Variants in NBEA observed in about 807,000 individuals in gnomAD.
NBEA encodes the protein lysosomal-trafficking regulator 2.
Under a neutral mutation model 343.4 loss-of-function variants are expected in NBEA, and 44 were observed. That is an observed-to-expected ratio of 0.13 (90% CI 0.10 to 0.16). The LOEUF is 0.16. Ranked by LOEUF, NBEA falls within the 10% of genes least tolerant of loss-of-function variation. The pLI, the probability that NBEA is intolerant of heterozygous loss-of-function variation, is 1.00. For synonymous variants in NBEA, 1,175 were observed against 1,238.7 expected, an observed-to-expected ratio of 0.95 and a Z score of 1.08; for missense variants, 2,555 against 3,631.3, an observed-to-expected ratio of 0.70 and a Z score of 7.62.
intron 44 of NBEA, among the ~76,000 whole-genome samples, chr13:35,558,697 CTGCCT>C (rs1160036684): frequency 6.6e-6 from 1 of 152,208 alleles, no homozygotes; most frequent in Non-Finnish European, 1.5e-5. Flanking sequence ...AGCCGGCAAC[CTGCCT>C]TTCAGCAAGC....
chr13:35,596,511 A>T (rs995394084), intron 47 of NBEA, among the ~76,000 whole-genome samples: 3 of 152,078 alleles, frequency 2.0e-5, no homozygotes, highest in Non-Finnish European at 4.4e-5. Context: ...GTCTCTATTA[A>T]TGTCAGTCTC....
At chr13:35,517,217 C>T (rs554960095) in intron 41 of NBEA, among the ~76,000 whole-genome samples, 8 of 152,232 alleles carry the variant, frequency 5.3e-5, no homozygotes, top group South Asian at 2.1e-4. Flanking sequence ...GCCACTCTTC[C>T]GTCGGCCTCG....
At chr13:35,005,647 C>A (rs1351700012) in intron 1 of NBEA, among the ~76,000 whole-genome samples, 1 of 152,012 alleles carries the variant, frequency 6.6e-6, no homozygotes, top group East Asian at 1.9e-4. Flanking sequence ...GAAAGTGAAA[C>A]AGTTACTTAC....
At chr13:35,051,092 C>G (rs1334789959) in intron 6 of NBEA, among the ~76,000 whole-genome samples, 1 of 152,012 alleles carries the variant, frequency 6.6e-6, no homozygotes, top group Non-Finnish European at 1.5e-5. Context: ...GAGTACCAGA[C>G]TCCATCTTTG....
intron 41 of NBEA, among the ~76,000 whole-genome samples, chr13:35,496,171 A>C (rs2076668068): frequency 6.6e-6 from 1 of 151,968 alleles, no homozygotes; most frequent in African/African-American, 2.4e-5. Flanking sequence ...TTTTTAAAAA[A>C]ACAAGGTCTC....
At chr13:34,957,172 A>G (rs1217104231) in intron 1 of NBEA, among the ~76,000 whole-genome samples, 2 of 152,308 alleles carry the variant, frequency 1.3e-5, no homozygotes, top group East Asian at 3.9e-4. Flanking sequence ...TTCTCATAGT[A>G]GAGCTACTCT....
At chr13:35,014,116 A>G (rs1020199657) in intron 1 of NBEA, among the ~76,000 whole-genome samples, 2 of 151,506 alleles carry the variant, frequency 1.3e-5, no homozygotes, top group African/African-American at 2.4e-5. Flanking sequence ...TTGGGAAGTT[A>G]CATTCCTTTC....
At chr13:35,669,826 A>T (rs1220738358) in intron 58 of NBEA, among the ~76,000 whole-genome samples, 1 of 152,150 alleles carries the variant, frequency 6.6e-6, no homozygotes, top group East Asian at 1.9e-4. Flanking sequence ...ATATGAGGGC[A>T]CCAGGAACAG....
chr13:35,191,404 C>T (rs796119681), intron 30 of NBEA, among the ~76,000 whole-genome samples: 2 of 152,058 alleles, frequency 1.3e-5, no homozygotes, highest in Admixed American at 6.6e-5. Context: ...TTCATTTTGT[C>T]TCTTATGGGC....
At chr13:35,225,638 T>C (rs2074611095) in intron 33 of NBEA, among the ~76,000 whole-genome samples, 2 of 152,158 alleles carry the variant, frequency 1.3e-5, no homozygotes, top group African/African-American at 4.8e-5. Context: ...CTGGGGGTTT[T>C]ATTCTCTTAT....
chr13:35,569,050 G>A (rs2080272037), intron 45 of NBEA, among the ~76,000 whole-genome samples: 1 of 152,194 alleles, frequency 6.6e-6, no homozygotes. Flanking sequence ...ACTTAGAATA[G>A]TGCAGGGACA....
rs73503174 is a variant in NBEA, at chr13:35,660,604, C to T, written c.8363-4481C>T. ...CCATTGTGTATGCCTCAGCTCTGGA[C>T]GCTGACCCTCCTGCCAGCCACAACC... is the stretch of plus-strand genomic sequence containing the variant. On this transcript the variant is annotated intron_variant, in intron 55 of 58. Coordinates refer to ENST00000379939, the MANE Select transcript of NBEA (RefSeq NM_001385012.1). Among the ~76,000 whole-genome samples the T allele has an allele frequency of 1.6e-3, 251 of 152,306 alleles. 1 individual carries two copies. The highest frequency in any genetic ancestry group is 5.5e-3 in the African/African-American group (229 of 41,572).
chr13:35,661,556 C>T (rs1351690183), intron 55 of NBEA, among the ~76,000 whole-genome samples: 1 of 152,110 alleles, frequency 6.6e-6, no homozygotes, highest in Non-Finnish European at 1.5e-5. Flanking sequence ...ATCTTGGGAC[C>T]TTGGGAAATG....
At chr13:35,077,038 C>A (rs564520493) in intron 10 of NBEA, among the ~76,000 whole-genome samples, 36 of 152,192 alleles carry the variant, frequency 2.4e-4, no homozygotes, top group Non-Finnish European at 4.6e-4. Flanking sequence ...CTGATTGTCA[C>A]AAGTGTTTAA....
chr13:35,513,727 T>G (rs945839283), intron 41 of NBEA, among the ~76,000 whole-genome samples: 5 of 152,148 alleles, frequency 3.3e-5, no homozygotes, highest in Non-Finnish European at 5.9e-5. Context: ...TTCCAGCTAG[T>G]TTTTAGTTAA....
At chr13:35,515,724 A>G (rs997160095) in intron 41 of NBEA, among the ~76,000 whole-genome samples, 1 of 149,338 alleles carries the variant, frequency 6.7e-6, no homozygotes, top group Non-Finnish European at 1.5e-5. Context: ...TTTTCTAAGT[A>G]CATTTCCCTT....
At chr13:35,189,343 G>A (rs1231802608) in intron 30 of NBEA, among the ~76,000 whole-genome samples, 1 of 152,050 alleles carries the variant, frequency 6.6e-6, no homozygotes, top group Non-Finnish European at 1.5e-5. Context: ...CTTCTTTTGA[G>A]AAATGTCTAT....
At chr13:35,274,296 G>A (rs1372699806) in intron 34 of NBEA, among the ~76,000 whole-genome samples, 2 of 151,990 alleles carry the variant, frequency 1.3e-5, no homozygotes, top group African/African-American at 2.4e-5. Flanking sequence ...AGAAAAGGCC[G>A]TTAACAAAAT....
chr13:35,116,446 G>A (rs1388107395), intron 13 of NBEA, among the ~76,000 whole-genome samples: 1 of 152,104 alleles, frequency 6.6e-6, no homozygotes, highest in Non-Finnish European at 1.5e-5. Flanking sequence ...CAATAGGAGG[G>A]GAAGAGTACT....
Sources: allele counts gnomAD v4.1 joint callset (sites outside exome capture counted in the v4.1 genomes callset), GRCh38; gene constraint gnomAD v4.1.1; transcripts MANE v1.5; gene names NCBI Gene and HGNC (gene_info 2026-07-23, HGNC 2026-07-21).